The following WWOX variants were observed in gnomAD, a reference collection of about 807,000 sequenced individuals.
WWOX encodes the protein WW domain-containing oxidoreductase.
WWOX carries 69 observed loss-of-function variants against 46.2 expected under a neutral mutation model. That is an observed-to-expected ratio of 1.49 (90% CI 1.23 to 1.82). The LOEUF is 1.82. WWOX is among the 40% of genes most tolerant of loss of function. The probability of loss-of-function intolerance (pLI) is 0.00; values close to 1 mark genes in which losing one functional copy is unlikely to be tolerated. For synonymous variants in WWOX, 359 were observed against 202.6 expected, an observed-to-expected ratio of 1.77 and a Z score of -6.56; for missense variants, 919 against 542.6, an observed-to-expected ratio of 1.69 and a Z score of -6.89.
intron 8 of WWOX, among the ~76,000 whole-genome samples, chr16:79,027,315 G>T (rs975033752): frequency 3.3e-5 from 5 of 150,932 alleles, no homozygotes; most frequent in African/African-American, 9.8e-5. Context: ...GTGGAGTGGT[G>T]ACATTTGGTA....
intron 5 of WWOX, among the ~76,000 whole-genome samples, chr16:78,335,433 C>T (rs117382927): frequency 0.021 from 3,153 of 152,292 alleles, 46 homozygotes; most frequent in Non-Finnish European, 0.032. Flanking sequence ...CAGCTCCATC[C>T]ATGTCCCTGC....
chr16:78,735,127 A>G (rs2142396811), intron 8 of WWOX, among the ~76,000 whole-genome samples: 1 of 151,772 alleles, frequency 6.6e-6, no homozygotes, highest in South Asian at 2.1e-4. Context: ...TTGACGTCGC[A>G]AAGTGCTGGG....
At chr16:78,863,700 C>T (rs1457195836) in intron 8 of WWOX, among the ~76,000 whole-genome samples, 1 of 152,200 alleles carries the variant, frequency 6.6e-6, no homozygotes, top group Non-Finnish European at 1.5e-5. Flanking sequence ...CAGTGGGTAT[C>T]TGTTGAACCG....
intron 8 of WWOX, among the ~76,000 whole-genome samples, chr16:78,582,133 G>T (rs919969846): frequency 6.6e-6 from 1 of 152,090 alleles, no homozygotes; most frequent in Admixed American, 6.5e-5. Flanking sequence ...GGGTTTATAC[G>T]AGCAGAAAAT....
rs1046091547 is a variant in WWOX, at chr16:78,121,953, G to A, written c.409+6799G>A. Among the ~76,000 whole-genome samples, 67 of 152,234 alleles carry A rather than the reference G, an allele frequency of 4.4e-4. 1 individual carries two copies. The highest frequency in any genetic ancestry group is 1.6e-3 in the African/African-American group (65 of 41,526). On this transcript the variant is annotated intron_variant, in intron 4 of 8. Coordinates refer to ENST00000566780, the MANE Select transcript of WWOX (RefSeq NM_016373.4). The stretch of plus-strand genomic sequence containing the variant: ...TGGGATTACAGGTGTGAACCGCTGT[G>A]CCTGGCCCGTGTTTCACTTTTTGAG...
At chr16:78,414,343 C>A (rs542590770) in intron 6 of WWOX, among the ~76,000 whole-genome samples, 2 of 152,122 alleles carry the variant, frequency 1.3e-5, no homozygotes, top group African/African-American at 4.8e-5. Flanking sequence ...CAGAGGTGGG[C>A]AGATCACTTG....
At chr16:78,976,423 C>T (rs941560776) in intron 8 of WWOX, among the ~76,000 whole-genome samples, 4 of 152,308 alleles carry the variant, frequency 2.6e-5, no homozygotes, top group African/African-American at 4.8e-5. Context: ...ATGTGATGTG[C>T]GTGGGCCTGT....
chr16:78,936,836 A>G (rs964814623), intron 8 of WWOX, among the ~76,000 whole-genome samples: 1 of 152,196 alleles, frequency 6.6e-6, no homozygotes, highest in Non-Finnish European at 1.5e-5. Context: ...TCAGGCTCAC[A>G]TAAAATTCCA....
intron 6 of WWOX, among the ~76,000 whole-genome samples, chr16:78,387,646 G>C (rs945775052): frequency 6.6e-6 from 1 of 152,052 alleles, no homozygotes; most frequent in Non-Finnish European, 1.5e-5. Context: ...CTGAGCTAAG[G>C]AAAGTGATCA....
intron 6 of WWOX, among the ~76,000 whole-genome samples, chr16:78,423,140 C>T (rs905866753): frequency 6.6e-6 from 1 of 152,136 alleles, no homozygotes; most frequent in Non-Finnish European, 1.5e-5. Flanking sequence ...CTGCCTCAGC[C>T]TCCCAAAGTG....
chr16:78,887,858 T>A (rs1377855605), intron 8 of WWOX, among the ~76,000 whole-genome samples: 10 of 152,358 alleles, frequency 6.6e-5, no homozygotes, highest in Admixed American at 2.0e-4. Flanking sequence ...AGTAATTGGT[T>A]CATGTCCTGG....
In WWOX at chr16:78,123,435, G is replaced by GTTTTTTTTTTTTTTTTTTTTTTT. The variant is rs200594331; in HGVS notation, c.409+8285_409+8286insTTTTTTTTTTTTTTTTTTTTTTT. ...CCCTATGTTTTTTTCTTTGTTTTTT[G>GTTTTTTTTTTTTTTTTTTTTTTT]TTTTGTTTTTTTTTTTTTTGTTTTT... is the stretch of plus-strand genomic sequence containing the variant. On this transcript the variant is annotated intron_variant, in intron 4 of 8. Transcript: ENST00000566780. 13 of 48,710 alleles carry GTTTTTTTTTTTTTTTTTTTTTTT rather than the reference G, an allele frequency of 2.7e-4. 1 individual carries two copies. The highest frequency in any genetic ancestry group is 8.6e-4 in the East Asian group (1 of 1,160). 3.0% of individuals were successfully genotyped at this position (48,710 alleles called of 1,614,324 possible).
intron 8 of WWOX, among the ~76,000 whole-genome samples, chr16:78,509,924 TAAA>T (rs59162697): frequency 2.1e-3 from 306 of 142,554 alleles, no homozygotes; most frequent in Admixed American, 2.3e-3. Context: ...CTCATCTCTT[TAAA>T]AAAAAAAAAA....
At chr16:78,923,968 TTTTTG>T (rs1233375355) in intron 8 of WWOX, among the ~76,000 whole-genome samples, 1 of 151,762 alleles carries the variant, frequency 6.6e-6, no homozygotes, top group Non-Finnish European at 1.5e-5. Context: ...CCTGGCTAAT[TTTTTG>T]TTTTATTTTG....
Position 78,347,279 on chromosome 16 carries a change from C to G in WWOX, c.517-39581C>G, listed in dbSNP as rs1260119699. 6.1e-5 allele frequency among the ~76,000 whole-genome samples: 7 copies of G among 115,630 alleles called. 2 individuals carry two copies. The highest frequency in any genetic ancestry group is 1.9e-4 in the East Asian group (1 of 5,168). 75.9% of individuals were successfully genotyped at this position (115,630 alleles called of 152,430 possible). On this transcript the variant is annotated intron_variant, in intron 5 of 8. Coordinates refer to ENST00000566780, the MANE Select transcript of WWOX (RefSeq NM_016373.4). ...TGTTGTTGACCCTTTCTCCCTCTGG[C>G]CAATGCTCCTTCCCCTGTAGATCAT...
intron 8 of WWOX, among the ~76,000 whole-genome samples, chr16:78,994,110 C>G (rs939407802): frequency 4.6e-5 from 7 of 152,176 alleles, no homozygotes; most frequent in African/African-American, 1.7e-4. Flanking sequence ...AGAAACGTTA[C>G]CTGTCAACAT....
intron 8 of WWOX, among the ~76,000 whole-genome samples, chr16:79,032,572 A>G (rs923957911): frequency 6.7e-6 from 1 of 148,414 alleles, no homozygotes; most frequent in African/African-American, 2.5e-5. Flanking sequence ...CCATACATAC[A>G]TATATAATTT....
intron 8 of WWOX, among the ~76,000 whole-genome samples, chr16:78,704,696 A>G (rs533086656): frequency 3.3e-5 from 5 of 152,150 alleles, no homozygotes; most frequent in Non-Finnish European, 5.9e-5. Flanking sequence ...AAACTGTGTA[A>G]TAGTAAGCAG....
chr16:78,776,260 G>C (rs1204108451), intron 8 of WWOX, among the ~76,000 whole-genome samples: 3 of 152,144 alleles, frequency 2.0e-5, no homozygotes, highest in African/African-American at 7.2e-5. Context: ...AGGCTACATT[G>C]GCTTGGCTCG....
Sources: gnomAD v4.1 joint callset for allele counts (sites outside exome capture counted in the v4.1 genomes callset) on GRCh38, gnomAD v4.1.1 for gene constraint, MANE v1.5 for transcripts, NCBI Gene and HGNC (gene_info 2026-07-23, HGNC 2026-07-21) for gene names.